The following AGMO variants were observed in gnomAD, a reference collection of about 807,000 sequenced individuals.
AGMO encodes the protein alkylglycerol monooxygenase.
AGMO carries 75 observed loss-of-function variants against 60.2 expected under a neutral mutation model. That is an observed-to-expected ratio of 1.25 (90% confidence interval 1.03 to 1.51). The LOEUF (loss-of-function observed/expected upper bound fraction) is 1.51. Ranked by LOEUF, AGMO falls within the 40% of genes most tolerant of loss-of-function variation. AGMO has a pLI of 0.00. For missense variants in AGMO, 763 were observed against 525.5 expected (o/e 1.45, Z -4.42); for synonymous variants, 261 against 177.1 (o/e 1.47, Z -3.76).
At chr7:15,323,076 T>TA (rs1781231323) in intron 12 of AGMO, among the ~76,000 whole-genome samples, 1 of 151,620 alleles carries the variant, frequency 6.6e-6, no homozygotes, top group Non-Finnish European at 1.5e-5. Context: ...GGAAAGAAAT[T>TA]AGACTATCTA....
intron 3 of AGMO, among the ~76,000 whole-genome samples, chr7:15,510,621 ATCTT>A (rs1178445855): frequency 6.7e-6 from 1 of 149,986 alleles, no homozygotes; most frequent in African/African-American, 2.4e-5. Context: ...ACAAAAGGAG[ATCTT>A]TCTGTTTACA....
intron 12 of AGMO, among the ~76,000 whole-genome samples, chr7:15,363,090 G>A (rs1230425009): frequency 6.6e-6 from 1 of 152,174 alleles, no homozygotes; most frequent in Non-Finnish European, 1.5e-5. Flanking sequence ...AAGGCATTTA[G>A]AACGTAGTAA....
intron 3 of AGMO, among the ~76,000 whole-genome samples, chr7:15,470,220 T>C (rs142086152): frequency 6.6e-6 from 1 of 152,190 alleles, no homozygotes; most frequent in Non-Finnish European, 1.5e-5. Flanking sequence ...TGCTCTGATA[T>C]TTAATCATTA....
the AGMO span, among the ~76,000 whole-genome samples, chr7:15,158,216 C>T: frequency 6.6e-6 from 1 of 152,122 alleles, no homozygotes; most frequent in African/African-American, 2.4e-5. Context: ...GAACTTGGCT[C>T]TGTTACTAGG....
intron 12 of AGMO, among the ~76,000 whole-genome samples, chr7:15,235,149 C>T (rs1305062182): frequency 1.3e-5 from 2 of 152,190 alleles, no homozygotes; most frequent in South Asian, 2.1e-4. Context: ...AGACTCTCCC[C>T]CGGGTCCTTT....
chr7:15,443,465 T>G (rs960364612), intron 3 of AGMO, among the ~76,000 whole-genome samples: 1 of 152,184 alleles, frequency 6.6e-6, no homozygotes, highest in Middle Eastern at 3.2e-3. Flanking sequence ...CCTTTAATCA[T>G]TCCCCTCCTA....
chr7:15,441,443 A>C (rs2128502182), intron 3 of AGMO, among the ~76,000 whole-genome samples: 1 of 152,342 alleles, frequency 6.6e-6, no homozygotes, highest in East Asian at 1.9e-4. Flanking sequence ...GTTTTGGTGC[A>C]GTTAAGGATT....
the AGMO span, among the ~76,000 whole-genome samples, chr7:15,127,969 A>G: frequency 2.6e-5 from 4 of 151,718 alleles, no homozygotes; most frequent in African/African-American, 7.3e-5. Context: ...CCCTCCTTCA[A>G]TTCCTGCCAT....
At chr7:15,198,240 A>AGAGAGT (rs1781179930), downstream of AGMO, among the ~76,000 whole-genome samples, 1 of 102,334 alleles carries the variant, frequency 9.8e-6, no homozygotes. Context: ...AGAGAGAGAG[A>AGAGAGT]GAGAGAGAGA....
Position 15,418,663 on chromosome 7 carries a change from A to C in AGMO, c.514-10T>G. The C allele has an allele frequency of 6.7e-7, 1 of 1,485,894 alleles. No homozygotes were observed. Among genetic ancestry groups the C allele is most frequent in the East Asian group, 2.4e-5 (1 of 42,408 alleles). The allele number at this position is 1,485,894 out of a possible 1,614,324, so 92.0% of individuals were successfully genotyped here. ...GGGGAGAGTAGAAAATCTGAAAGAA[A>C]AAATTAAAAAAAAATTAATTTGCAT... On this transcript the variant is annotated splice_polypyrimidine_tract_variant and intron_variant, in intron 4 of 12. Coordinates refer to ENST00000342526, the MANE Select transcript of AGMO (RefSeq NM_001004320.2).
chr7:15,515,579 G>A (rs1040683366), intron 3 of AGMO, among the ~76,000 whole-genome samples: 9 of 152,220 alleles, frequency 5.9e-5, no homozygotes, highest in Non-Finnish European at 1.2e-4. Context: ...CAATTTTGCT[G>A]TATATGAATG....
At chr7:15,276,930 T>C (rs1182063817) in intron 12 of AGMO, among the ~76,000 whole-genome samples, 6 of 151,878 alleles carry the variant, frequency 4.0e-5, no homozygotes, top group Non-Finnish European at 8.8e-5. Context: ...CTTCCTTCAT[T>C]TCCTGGATTG....
intron 12 of AGMO, among the ~76,000 whole-genome samples, chr7:15,203,518 T>C (rs1004623552): frequency 6.6e-6 from 1 of 151,926 alleles, no homozygotes; most frequent in South Asian, 2.1e-4. Context: ...TTTTTTTTTT[T>C]GCTTGCTTGC....
intron 12 of AGMO, among the ~76,000 whole-genome samples, chr7:15,272,874 C>A (rs1783659659): frequency 6.6e-6 from 1 of 152,140 alleles, no homozygotes; most frequent in Admixed American, 6.5e-5. Flanking sequence ...ATTTGCATTT[C>A]TCTGATGGCC....
intron 2 of AGMO, 59 bp downstream of exon 2, chr7:15,560,082 C>T (rs1727446168): frequency 7.1e-7 from 1 of 1,417,920 alleles, no homozygotes; most frequent in South Asian, 1.7e-5. Context: ...GGTTCCTTTG[C>T]CCCTCATACT....
chr7:15,407,770 G>T (rs1784744500), intron 5 of AGMO, among the ~76,000 whole-genome samples: 1 of 151,258 alleles, frequency 6.6e-6, no homozygotes, highest in Non-Finnish European at 1.5e-5. Context: ...TAATAAATGA[G>T]AAACTTTTTT....
chr7:15,182,670 G>T, the AGMO span, among the ~76,000 whole-genome samples: 1 of 152,118 alleles, frequency 6.6e-6, no homozygotes, highest in Non-Finnish European at 1.5e-5. Context: ...ACCTGTCTTT[G>T]CCTCCCAAAG....
At chr7:15,325,516 GTGA>G in intron 12 of AGMO, among the ~76,000 whole-genome samples, 1 of 151,932 alleles carries the variant, frequency 6.6e-6, no homozygotes, top group Non-Finnish European at 1.5e-5. Context: ...AAGCTAACTG[GTGA>G]AGAATAAAAC....
chr7:15,367,000 C>A (rs890841956), intron 10 of AGMO, among the ~76,000 whole-genome samples: 3 of 151,986 alleles, frequency 2.0e-5, no homozygotes, highest in Admixed American at 1.3e-4. Context: ...TACTAGAATT[C>A]TAATTTAAGT....
Sources: gnomAD v4.1 joint callset for allele counts (sites outside exome capture counted in the v4.1 genomes callset) on GRCh38, gnomAD v4.1.1 for gene constraint, MANE v1.5 for transcripts, NCBI Gene and HGNC (gene_info 2026-07-23, HGNC 2026-07-21) for gene names.